LIX1: variants seen among roughly 807,000 people sequenced by gnomAD.
LIX1 encodes the protein protein limb expression 1 homolog.
A neutral mutation model predicts 33.4 loss-of-function variants in LIX1; 24 were observed. The ratio of observed to expected loss-of-function variants is 0.72; its 90% confidence interval spans 0.52 to 1.01. The LOEUF (loss-of-function observed/expected upper bound fraction) is 1.01. Ranked by LOEUF, LIX1 falls within the 50% of genes least tolerant of loss-of-function variation. LIX1 has a pLI of 0.00. For missense variants in LIX1, 311 were observed against 339.2 expected, an observed-to-expected ratio of 0.92 and a Z score of 0.65; for synonymous variants, 124 against 124.0, an observed-to-expected ratio of 1.00 and a Z score of 0.00.
At chr5:97,095,778 T>A (rs1020207861) in intron 5 of LIX1, among the ~76,000 whole-genome samples, 5 of 152,252 alleles carry the variant, frequency 3.3e-5, no homozygotes, top group African/African-American at 1.2e-4. Flanking sequence ...GTGGAGTGAA[T>A]GCACTGCTTA....
intron 1 of LIX1, among the ~76,000 whole-genome samples, chr5:97,127,563 G>A (rs146456117): frequency 6.6e-6 from 1 of 152,230 alleles, no homozygotes; most frequent in East Asian, 1.9e-4. Context: ...AGGCCAGCTT[G>A]CCGTTTGGAA....
chr5:97,115,105 C>T (rs1264313445), intron 2 of LIX1, among the ~76,000 whole-genome samples: 1 of 152,154 alleles, frequency 6.6e-6, no homozygotes, highest in African/African-American at 2.4e-5. Context: ...TTTATTTCTT[C>T]TATGATTATT....
chr5:97,110,691 G>A (rs7717829), intron 2 of LIX1, among the ~76,000 whole-genome samples: 51,800 of 152,082 alleles, frequency 0.34, 10,269 homozygotes, highest in African/African-American at 0.56. Context: ...TGATCCGCCC[G>A]CCTTGGCCTC....
chr5:97,103,103 G>GTTTTTT lies in LIX1; in HGVS notation c.483+2086_483+2087insAAAAAA, dbSNP rs546918810. On this transcript the variant is annotated intron_variant, in intron 4 of 5. Coordinates refer to ENST00000274382, the MANE Select transcript of LIX1 (RefSeq NM_153234.5). The stretch of plus-strand genomic sequence containing the variant: ...GCAGACTTCACACATAGGTCTGTAT[G>GTTTTTT]ACTTTTTAAAGTTTATATTCTTTCT... 2,021 of 452,334 alleles carry GTTTTTT rather than the reference G, an allele frequency of 4.5e-3. 32 individuals carry two copies. Among genetic ancestry groups the GTTTTTT allele is most frequent in the African/African-American group, 0.037 (1,847 of 49,738 alleles). The allele number at this position is 452,334 out of a possible 1,614,324, so 28.0% of individuals were successfully genotyped here.
intron 2 of LIX1, among the ~76,000 whole-genome samples, chr5:97,109,708 G>T (rs1451137943): frequency 6.6e-6 from 1 of 152,064 alleles, no homozygotes; most frequent in East Asian, 1.9e-4. Flanking sequence ...AGTATACTCT[G>T]TATCCAATAT....
intron 3 of LIX1, among the ~76,000 whole-genome samples, chr5:97,106,468 GAC>G (rs1170354331): frequency 6.6e-6 from 1 of 152,194 alleles, no homozygotes; most frequent in Non-Finnish European, 1.5e-5. Context: ...TCGCCAGAAT[GAC>G]AGAGCCTTCC....
At chr5:97,114,513 G>A (rs1320864883) in intron 2 of LIX1, among the ~76,000 whole-genome samples, 2 of 152,146 alleles carry the variant, frequency 1.3e-5, no homozygotes, top group African/African-American at 4.8e-5. Context: ...AGCCTAGGCC[G>A]GGAGTTTGGA....
chr5:97,127,171 C>G (rs1479429386), intron 1 of LIX1, among the ~76,000 whole-genome samples: 1 of 152,114 alleles, frequency 6.6e-6, no homozygotes. Flanking sequence ...CTCTTCTTGT[C>G]AACAAGGACT....
Position 97,138,928 on chromosome 5 carries a change from T to C in LIX1, c.82+3567A>G, listed in dbSNP as rs73143161. Among the ~76,000 whole-genome samples the C allele has an allele frequency of 5.0e-3, 769 of 152,302 alleles. 8 individuals are homozygous for C. Among genetic ancestry groups the C allele is most frequent in the African/African-American group, 0.017 (686 of 41,560 alleles). On this transcript the variant is annotated intron_variant, in intron 1 of 5. Coordinates refer to ENST00000274382, the MANE Select transcript of LIX1 (RefSeq NM_153234.5). The stretch of plus-strand genomic sequence containing the variant: ...TTCAGATTTGGGGTGCTAAAGTATA[T>C]ATAATGCAAATATTCTGAAATCCAA...
intron 2 of LIX1, among the ~76,000 whole-genome samples, chr5:97,109,493 A>T (rs1747252588): frequency 6.6e-6 from 1 of 152,176 alleles, no homozygotes; most frequent in African/African-American, 2.4e-5. Context: ...GGCTCAAGCG[A>T]TCCACCTGCC....
intron 2 of LIX1, among the ~76,000 whole-genome samples, chr5:97,108,172 A>G (rs1747166751): frequency 2.0e-5 from 3 of 152,214 alleles, no homozygotes; most frequent in African/African-American, 7.2e-5. Flanking sequence ...GCTGCTGTCA[A>G]TATCTATTGC....
At chr5:97,106,594 G>A (rs1438045042) in intron 3 of LIX1, among the ~76,000 whole-genome samples, 1 of 152,212 alleles carries the variant, frequency 6.6e-6, no homozygotes, top group Non-Finnish European at 1.5e-5. Flanking sequence ...AGCACACACA[G>A]GGCGATACTT....
At chr5:97,116,225 G>A (rs1019602372) in intron 2 of LIX1, among the ~76,000 whole-genome samples, 4 of 152,128 alleles carry the variant, frequency 2.6e-5, no homozygotes, top group Admixed American at 1.3e-4. Flanking sequence ...TACCCTGACC[G>A]AAGCATGAAC....
At chr5:97,111,463 C>T (rs537312636) in intron 2 of LIX1, among the ~76,000 whole-genome samples, 1 of 152,026 alleles carries the variant, frequency 6.6e-6, no homozygotes, top group African/African-American at 2.4e-5. Flanking sequence ...CCATTTTTGC[C>T]TGAGCGTAGG....
intron 2 of LIX1, among the ~76,000 whole-genome samples, chr5:97,123,486 C>T (rs756582299): frequency 3.3e-5 from 5 of 152,170 alleles, no homozygotes; most frequent in Admixed American, 6.5e-5. Context: ...AGTGAAGTCC[C>T]TTCACCTTTA....
At chr5:97,116,905 G>C (rs566643452) in intron 2 of LIX1, among the ~76,000 whole-genome samples, 2 of 152,150 alleles carry the variant, frequency 1.3e-5, no homozygotes, top group Non-Finnish European at 1.5e-5. Flanking sequence ...GGAGACTCCT[G>C]TGGAGATAGT....
intron 2 of LIX1, among the ~76,000 whole-genome samples, chr5:97,108,101 A>ACAGTAGCACTT (rs1345944273): frequency 1.3e-5 from 2 of 152,252 alleles, no homozygotes; most frequent in Non-Finnish European, 2.9e-5. Context: ...TACCTGGCAC[A>ACAGTAGCACTT]CAGTAGCACT....
At chr5:97,126,699 G>A (rs1747935653) in intron 1 of LIX1, among the ~76,000 whole-genome samples, 1 of 148,494 alleles carries the variant, frequency 6.7e-6, no homozygotes, top group Admixed American at 6.7e-5. Context: ...GAGTGCAGTG[G>A]CACGATCTCG....
chr5:97,124,609 G>GT lies in LIX1; in HGVS notation c.102dup (p.Gln35ThrfsTer17). On this transcript the variant is annotated frameshift_variant, in exon 2 of 6. Coordinates refer to ENST00000274382, the MANE Select transcript of LIX1 (RefSeq NM_153234.5). LOFTEE classifies it high-confidence loss of function. Reference sequence around the variant, plus strand: ...TGCTGCTTGCTTTCCCAAAATTCCTGTAACATTGACACAACGTTCACTGAA... The same window carrying GT: ...TGCTGCTTGCTTTCCCAAAATTCCTGTTAACATTGACACAACGTTCACTGAA... The GT allele has an allele frequency of 6.2e-7, 1 of 1,610,590 alleles. No homozygotes were observed. The highest frequency in any genetic ancestry group is 8.5e-7 in the Non-Finnish European group (1 of 1,178,104).
Sources: gnomAD v4.1 joint callset for allele counts (sites outside exome capture counted in the v4.1 genomes callset) on GRCh38, gnomAD v4.1.1 for gene constraint, MANE v1.5 for transcripts, NCBI Gene and HGNC (gene_info 2026-07-23, HGNC 2026-07-21) for gene names.